The following DGKH variants were observed in gnomAD, a reference collection of about 807,000 sequenced individuals.
The protein encoded by DGKH is diacylglycerol kinase eta, also known as DAG kinase eta.
In DGKH, 90 loss-of-function variants were observed where a neutral mutation model predicts 159.3. The ratio of observed to expected loss-of-function variants is 0.57; its 90% CI spans 0.48 to 0.67. The LOEUF is 0.67. Among genes scored for constraint, DGKH ranks in the 30% least tolerant of loss-of-function variants. DGKH has a pLI of 0.00. For missense variants in DGKH, 1,181 were observed against 1,506.1 expected (o/e 0.78, Z 3.57); for synonymous variants, 536 against 553.8 (o/e 0.97, Z 0.45).
intron 24 of DGKH, among the ~76,000 whole-genome samples, chr13:42,211,201 C>G (rs1032781209): frequency 6.6e-6 from 1 of 152,142 alleles, no homozygotes; most frequent in South Asian, 2.1e-4. Context: ...CCAGGGAAAA[C>G]TTCAGAGGGG....
In DGKH at chr13:42,155,803, C is replaced by G. The variant is rs1566139252; in HGVS notation, c.622+4C>G. ...TCCCATGGCCTGTCCTGCGAAGGTA[C>G]TGTAGCACCTAGCATGTGTTTTCTC... On this transcript the variant is annotated splice_donor_region_variant and intron_variant, in intron 5 of 29. Transcript: ENST00000337343. The G allele has an allele frequency of 6.2e-7, 1 of 1,614,050 alleles. No individual in the cohort carries two copies. The highest frequency in any genetic ancestry group is 8.5e-7 in the Non-Finnish European group (1 of 1,179,980).
chr13:42,071,167 A>G, intron 1 of DGKH: 1 of 560,020 alleles, frequency 1.8e-6, no homozygotes, highest in Middle Eastern at 4.2e-4. Flanking sequence ...ACTGGCATCA[A>G]AAGGAAAGAT....
In DGKH at chr13:42,215,271, T is replaced by C. The variant is rs555801345; in HGVS notation, c.3121-304T>C. Reference sequence around the variant, plus strand: ...TGGTTAGTGTTACTGAGAGTAAAAGTTTTTTTTGACTTAACTTTTTAATGG... The same window carrying C: ...TGGTTAGTGTTACTGAGAGTAAAAGCTTTTTTTGACTTAACTTTTTAATGG... On this transcript the variant is annotated intron_variant, in intron 25 of 29. Coordinates refer to ENST00000337343, the MANE Select transcript of DGKH (RefSeq NM_178009.5). 1.5e-3 allele frequency among the ~76,000 whole-genome samples: 114 copies of C among 78,252 alleles called. 1 individual carries two copies. Among genetic ancestry groups the C allele is most frequent in the Admixed American group, 2.2e-3 (20 of 8,960 alleles). 51.3% of individuals were successfully genotyped at this position (78,252 alleles called of 152,430 possible).
At chr13:42,216,763 G>A (rs1028606486) in intron 26 of DGKH, 2 of 152,168 alleles carry the variant, frequency 1.3e-5, no homozygotes, top group Non-Finnish European at 1.5e-5. Flanking sequence ...AACCTTTTAC[G>A]AAGAAACATT....
At chr13:42,105,011 GTACA>G (rs1954720209) in intron 1 of DGKH, among the ~76,000 whole-genome samples, 1 of 109,582 alleles carries the variant, frequency 9.1e-6, no homozygotes, top group Non-Finnish European at 2.1e-5. Context: ...ATGTGTTTAT[GTACA>G]TACATATGTA....
At position 42,189,204 on chromosome 13, in the gene DGKH, G is replaced by A. The variant is rs201254895; in HGVS notation, c.1807G>A (p.Val603Ile). Residue 603 changes from valine to isoleucine, a missense_variant, in exon 15 of 30, where the codon GTT (valine) becomes ATT (isoleucine). Transcript: ENST00000337343. ...AAGCAAAGAGCAGCTTGGGGATGACGTTACAAAACCTTCCTCCCAGAAAGC... is the reference window on the plus strand; with the variant it reads ...AAGCAAAGAGCAGCTTGGGGATGACATTACAAAACCTTCCTCCCAGAAAGC... ...GESKEQLGDD[V>I]TKPSSQKAVK... is the part of the protein sequence containing the mutation. The A allele has an allele frequency of 1.5e-5, 24 of 1,614,190 alleles. No homozygotes were observed. Among genetic ancestry groups the A allele is most frequent in the African/African-American group, 9.3e-5 (7 of 75,036 alleles).
intron 24 of DGKH, 66 bp from the exon 25 acceptor site, chr13:42,214,441 T>C: frequency 2.7e-6 from 4 of 1,489,048 alleles, no homozygotes; most frequent in Non-Finnish European, 3.7e-6. Context: ...AACATTTCTA[T>C]ACTTCAAAAA....
chr13:42,040,482 AC>A (rs1054438348), intron 1 of DGKH, among the ~76,000 whole-genome samples: 1 of 149,704 alleles, frequency 6.7e-6, no homozygotes, highest in African/African-American at 2.5e-5. Context: ...GTCCCGGGCC[AC>A]CCGCCGGGAG....
chr13:42,079,473 C>T (rs1954161139), intron 1 of DGKH, among the ~76,000 whole-genome samples: 1 of 152,078 alleles, frequency 6.6e-6, no homozygotes, highest in East Asian at 1.9e-4. Context: ...CTCGCCCCTC[C>T]AAGCCTCCGT....
chr13:42,129,321 T>C (rs941274388), intron 2 of DGKH, among the ~76,000 whole-genome samples: 2 of 152,234 alleles, frequency 1.3e-5, no homozygotes, highest in African/African-American at 4.8e-5. Context: ...CACATTTGCA[T>C]TGAAACAGTG....
intron 5 of DGKH, among the ~76,000 whole-genome samples, chr13:42,157,943 A>G (rs949061906): frequency 6.6e-6 from 1 of 152,142 alleles, no homozygotes; most frequent in Non-Finnish European, 1.5e-5. Flanking sequence ...TATTTTTAGT[A>G]GAGACAAGGT....
At chr13:42,187,484 C>T (rs1956961112) in intron 14 of DGKH, among the ~76,000 whole-genome samples, 2 of 152,150 alleles carry the variant, frequency 1.3e-5, no homozygotes, top group Admixed American at 6.5e-5. Flanking sequence ...TCAAGCGATT[C>T]TCCTGTCTCA....
At chr13:42,228,524 A>G (rs1399470852) in intron 29 of DGKH, among the ~76,000 whole-genome samples, 3 of 152,090 alleles carry the variant, frequency 2.0e-5, no homozygotes. Flanking sequence ...TTAGCACAAG[A>G]AATGTTGCCT....
intron 20 of DGKH, among the ~76,000 whole-genome samples, chr13:42,203,666 G>A (rs1277346869): frequency 6.6e-6 from 1 of 152,052 alleles, no homozygotes; most frequent in African/African-American, 2.4e-5. Context: ...ACCACAAATA[G>A]AAACATGGGA....
At chr13:42,116,393 C>T (rs1485643083) in intron 1 of DGKH, among the ~76,000 whole-genome samples, 2 of 152,204 alleles carry the variant, frequency 1.3e-5, no homozygotes, top group South Asian at 2.1e-4. Flanking sequence ...TCTCCCATGA[C>T]GCCAAATTCC....
At chr13:42,085,277 G>C (rs1357075191) in intron 1 of DGKH, among the ~76,000 whole-genome samples, 1 of 151,562 alleles carries the variant, frequency 6.6e-6, no homozygotes, top group Non-Finnish European at 1.5e-5. Context: ...TGAAATGTAG[G>C]TGAGCAAAAT....
chr13:42,134,872 G>A (rs2137861413), intron 3 of DGKH, among the ~76,000 whole-genome samples: 1 of 152,300 alleles, frequency 6.6e-6, no homozygotes, highest in East Asian at 1.9e-4. Context: ...AGCTATTTGG[G>A]AGGCTGAGGC....
intron 1 of DGKH, chr13:42,070,728 G>T (rs1426730678): frequency 2.1e-5 from 34 of 1,607,172 alleles, no homozygotes; most frequent in Non-Finnish European, 2.9e-5. Flanking sequence ...CCAGTAAAGG[G>T]CCCTGCTCCA....
chr13:42,248,551 ATTGT>A (rs1233831414), intron 29 of DGKH, among the ~76,000 whole-genome samples: 1 of 147,196 alleles, frequency 6.8e-6, no homozygotes, highest in African/African-American at 2.5e-5. Context: ...TTTAAATTAT[ATTGT>A]TTAATATTTA....
Sources: gnomAD v4.1 joint callset for allele counts (sites outside exome capture counted in the v4.1 genomes callset) on GRCh38, gnomAD v4.1.1 for gene constraint, MANE v1.5 for transcripts, NCBI Gene and HGNC (gene_info 2026-07-23, HGNC 2026-07-21) for gene names.